The following ABCB1 variants were observed in gnomAD, a reference collection of about 807,000 sequenced individuals.
ABCB1 encodes the protein ATP-dependent translocase ABCB1.
ABCB1 carries 69 observed loss-of-function variants against 142.0 expected under a neutral mutation model. That is an observed-to-expected ratio of 0.49 (90% confidence interval 0.40 to 0.59). The LOEUF (loss-of-function observed/expected upper bound fraction) is 0.59. Among genes scored for constraint, ABCB1 ranks in the 20% least tolerant of loss-of-function variants. The probability of loss-of-function intolerance (pLI) is 0.00; values close to 1 mark genes in which losing one functional copy is unlikely to be tolerated. For synonymous variants in ABCB1, 532 were observed against 539.2 expected (o/e 0.99, Z 0.18); for missense variants, 1,326 against 1,554.7 (o/e 0.85, Z 2.47).
chr7:87,591,831 AACT>A (rs1213203487), intron 3 of ABCB1, among the ~76,000 whole-genome samples: 1 of 152,190 alleles, frequency 6.6e-6, no homozygotes, highest in Admixed American at 6.5e-5. Flanking sequence ...GGCTTTGTGG[AACT>A]ATAGGAATGT....
intron 1 of ABCB1, among the ~76,000 whole-genome samples, chr7:87,634,718 G>A (rs1419899589): frequency 1.3e-5 from 2 of 151,940 alleles, no homozygotes; most frequent in African/African-American, 2.4e-5. Context: ...TGCCTCATAA[G>A]ACTGTTCATA....
chr7:87,654,850 T>C (rs1231709633), intron 1 of ABCB1, among the ~76,000 whole-genome samples: 1 of 151,914 alleles, frequency 6.6e-6, no homozygotes, highest in Non-Finnish European at 1.5e-5. Context: ...AACTCAATAG[T>C]AAGAAAATAA....
chr7:87,506,188 G>A (rs2117059065), intron 26 of ABCB1, 145 bp from the exon 27 acceptor site: 1 of 828,120 alleles, frequency 1.2e-6, no homozygotes, highest in Middle Eastern at 2.8e-4. Context: ...ATTAAGGAAA[G>A]AACAGTAAAA....
At chr7:87,708,013 C>T (rs536192177) in intron 1 of ABCB1, among the ~76,000 whole-genome samples, 1 of 151,928 alleles carries the variant, frequency 6.6e-6, no homozygotes, top group East Asian at 1.9e-4. Context: ...AAAACTTGTG[C>T]TTAGAGGAAT....
chr7:87,666,153 T>G (rs1825220650), intron 1 of ABCB1, among the ~76,000 whole-genome samples: 1 of 152,080 alleles, frequency 6.6e-6, no homozygotes, highest in Admixed American at 6.6e-5. Context: ...CAGCACCTGT[T>G]ATTTTTGACT....
At chr7:87,523,106 A>G (rs993711547) in intron 21 of ABCB1, among the ~76,000 whole-genome samples, 5 of 151,824 alleles carry the variant, frequency 3.3e-5, no homozygotes. Context: ...AAGAAAACTA[A>G]CTTTTTTTTT....
At chr7:87,677,586 C>T (rs1488993016) in intron 1 of ABCB1, among the ~76,000 whole-genome samples, 1 of 152,070 alleles carries the variant, frequency 6.6e-6, no homozygotes, top group Non-Finnish European at 1.5e-5. Context: ...TGATTAAGTG[C>T]TGGAGACCTA....
chr7:87,697,307 T>G (rs1828577363), intron 1 of ABCB1, among the ~76,000 whole-genome samples: 1 of 152,228 alleles, frequency 6.6e-6, no homozygotes, highest in East Asian at 1.9e-4. Context: ...TAGAGAGACT[T>G]AAACTCACCA....
chr7:87,633,490 T>C (rs184906348), intron 1 of ABCB1, among the ~76,000 whole-genome samples: 1 of 152,314 alleles, frequency 6.6e-6, no homozygotes, highest in Admixed American at 6.5e-5. Flanking sequence ...CAGAAGATTA[T>C]GTGTTTGGAG....
At chr7:87,666,617 T>C (rs1422345054) in intron 1 of ABCB1, among the ~76,000 whole-genome samples, 1 of 152,196 alleles carries the variant, frequency 6.6e-6, no homozygotes, top group East Asian at 1.9e-4. Context: ...CTTTAATAGT[T>C]TGAGGTTTTA....
intron 1 of ABCB1, among the ~76,000 whole-genome samples, chr7:87,614,017 A>C (rs1043249411): frequency 1.3e-5 from 2 of 152,096 alleles, no homozygotes; most frequent in African/African-American, 2.4e-5. Context: ...GATAATATTT[A>C]ATATCCTCTA....
upstream of ABCB1, among the ~76,000 whole-genome samples, chr7:87,604,516 C>T (rs536019025): frequency 2.0e-5 from 3 of 152,140 alleles, no homozygotes; most frequent in African/African-American, 7.2e-5. Flanking sequence ...GTATGAAGGA[C>T]ATGTGATGAT....
chr7:87,701,670 G>T (rs981861249), intron 1 of ABCB1, among the ~76,000 whole-genome samples: 1 of 151,890 alleles, frequency 6.6e-6, no homozygotes, highest in Non-Finnish European at 1.5e-5. Context: ...TAGAACAAAA[G>T]AAAATATCTA....
chr7:87,538,715 T>C (rs191134443), intron 19 of ABCB1, among the ~76,000 whole-genome samples: 1 of 152,252 alleles, frequency 6.6e-6, no homozygotes, highest in East Asian at 1.9e-4. Context: ...TTCACACGTG[T>C]CAATGGTTAG....
At chr7:87,598,564 A>T (rs1253658544) in intron 2 of ABCB1, among the ~76,000 whole-genome samples, 1 of 152,228 alleles carries the variant, frequency 6.6e-6, no homozygotes, top group Non-Finnish European at 1.5e-5. Flanking sequence ...GTTCATTGAC[A>T]ATCCTTGCCT....
intron 3 of ABCB1, among the ~76,000 whole-genome samples, chr7:87,593,021 G>A (rs1359838306): frequency 6.6e-6 from 1 of 151,640 alleles, no homozygotes; most frequent in African/African-American, 2.4e-5. Context: ...CCACCTCCTG[G>A]GTTCAAGTGA....
chr7:87,601,382 T>C (rs1452129748), upstream of ABCB1, among the ~76,000 whole-genome samples: 1 of 152,146 alleles, frequency 6.6e-6, no homozygotes, highest in Non-Finnish European at 1.5e-5. Context: ...CTTTATTTGA[T>C]GATAAATGGA....
chr7:87,506,462 T>C (rs1380434868), intron 26 of ABCB1, among the ~76,000 whole-genome samples: 1 of 152,196 alleles, frequency 6.6e-6, no homozygotes, highest in Non-Finnish European at 1.5e-5. Flanking sequence ...TGATTTTAAA[T>C]TGAGGAAAGA....
In ABCB1 at chr7:87,505,901, T is replaced by G. The variant is rs201111035; in HGVS notation, c.3632A>C (p.Glu1211Ala). Residue 1211 changes from glutamate to alanine, a missense_variant, in exon 27 of 28, where the codon GAA becomes GCA. Glu to Ala is a moderately radical substitution (Grantham distance 107). Transcript: ENST00000622132. ...GAACCCAATTTAAATTCTTACCTTT[T>G]CACTTTCTGTATCCAGAGCTGACGT... ...EATSALDTESEKVVQEALDKA... is the reference protein window; with the variant it reads ...EATSALDTESAKVVQEALDKA... 1.9e-6 allele frequency: 3 copies of G among 1,614,178 alleles called. No individual in the cohort carries two copies. The South Asian group carries it at 3.3e-5, about 18-fold the overall frequency.
Sources: gnomAD v4.1 joint callset for allele counts (sites outside exome capture counted in the v4.1 genomes callset) on GRCh38, gnomAD v4.1.1 for gene constraint, MANE v1.5 for transcripts, NCBI Gene and HGNC (gene_info 2026-07-23, HGNC 2026-07-21) for gene names.